Variants in C1QTNF7 observed in about 807,000 individuals in gnomAD.
C1QTNF7 encodes the protein C1q and TNF related 7.
C1QTNF7 carries 15 observed loss-of-function variants against 19.6 expected under a neutral mutation model. The ratio of observed to expected loss-of-function variants is 0.76; its 90% CI spans 0.51 to 1.18. The LOEUF (loss-of-function observed/expected upper bound fraction) is 1.18. C1QTNF7 is among the 50% of genes most tolerant of loss of function. C1QTNF7 has a pLI of 0.00. For missense variants in C1QTNF7, 324 were observed against 359.7 expected (o/e 0.90, Z 0.80); for synonymous variants, 142 against 137.5 (o/e 1.03, Z -0.23).
chr4:15,408,306 T>A (rs1382006020), intron 1 of C1QTNF7, among the ~76,000 whole-genome samples: 1 of 150,586 alleles, frequency 6.6e-6, no homozygotes, highest in African/African-American at 2.4e-5. Context: ...AAAGTTTGTA[T>A]GTATATACAG....
In C1QTNF7 at chr4:15,399,208, A is replaced by C. The variant is rs1033019559; in HGVS notation, c.14-36528A>C. ...TCAGGTGTTTTCTATCTATTGGGAAACTGCCCTTCCCTGGTGCCGACTGCA... is the reference window on the plus strand; with the variant it reads ...TCAGGTGTTTTCTATCTATTGGGAACCTGCCCTTCCCTGGTGCCGACTGCA... On this transcript the variant is annotated intron_variant, in intron 1 of 2. Transcript: ENST00000295297. Among the ~76,000 whole-genome samples, 7 of 152,272 alleles carry C rather than the reference A, an allele frequency of 4.6e-5. No individual in the cohort carries two copies. In the South Asian group the frequency reaches 1.2e-3, roughly 27 times the overall value.
chr4:15,437,512 A>C (rs1029530917), intron 2 of C1QTNF7, among the ~76,000 whole-genome samples: 1 of 152,176 alleles, frequency 6.6e-6, no homozygotes, highest in African/African-American at 2.4e-5. Context: ...TAAACTAGAC[A>C]TTGGTAATTC....
chr4:15,405,954 C>T (rs926724710), intron 1 of C1QTNF7, among the ~76,000 whole-genome samples: 1 of 152,166 alleles, frequency 6.6e-6, no homozygotes, highest in Non-Finnish European at 1.5e-5. Context: ...TTGTCCCCCC[C>T]AGACTCACTG....
chr4:15,371,930 G>A (rs1300083124), intron 1 of C1QTNF7, among the ~76,000 whole-genome samples: 3 of 149,882 alleles, frequency 2.0e-5, no homozygotes, highest in Admixed American at 2.0e-4. Flanking sequence ...GAAAGAGTAG[G>A]AAAGGAAAGG....
At chr4:15,402,217 C>T (rs1329840646) in intron 1 of C1QTNF7, among the ~76,000 whole-genome samples, 1 of 152,192 alleles carries the variant, frequency 6.6e-6, no homozygotes, top group Non-Finnish European at 1.5e-5. Context: ...AGCAGAGCAA[C>T]CTCTACCAAG....
intron 1 of C1QTNF7, among the ~76,000 whole-genome samples, chr4:15,367,599 G>T (rs1193870869): frequency 6.6e-6 from 1 of 152,170 alleles, no homozygotes; most frequent in Non-Finnish European, 1.5e-5. Flanking sequence ...AACCCTGTGG[G>T]AAAGAAAATT....
intron 2 of C1QTNF7, among the ~76,000 whole-genome samples, chr4:15,439,817 T>C (rs553611891): frequency 4.6e-5 from 7 of 152,096 alleles, no homozygotes; most frequent in Non-Finnish European, 8.8e-5. Context: ...TTGAATGATA[T>C]CTTTCGATGG....
At chr4:15,386,869 C>T (rs1026365871) in intron 1 of C1QTNF7, among the ~76,000 whole-genome samples, 25 of 152,058 alleles carry the variant, frequency 1.6e-4, no homozygotes, top group South Asian at 1.2e-3. Context: ...AGGCAGGCCA[C>T]GGAAGGCCTC....
intron 1 of C1QTNF7, among the ~76,000 whole-genome samples, chr4:15,416,737 A>G (rs897861276): frequency 1.3e-5 from 2 of 152,216 alleles, no homozygotes; most frequent in Non-Finnish European, 2.9e-5. Context: ...CAATTTCTGC[A>G]GTTTGTTAGA....
chr4:15,429,568 C>G (rs1712214177), intron 1 of C1QTNF7, among the ~76,000 whole-genome samples: 1 of 152,190 alleles, frequency 6.6e-6, no homozygotes, highest in Non-Finnish European at 1.5e-5. Context: ...TCAGTATCTC[C>G]TTTCCTTTTA....
upstream of C1QTNF7, among the ~76,000 whole-genome samples, chr4:15,423,117 C>G (rs1190637791): frequency 6.6e-6 from 1 of 152,190 alleles, no homozygotes; most frequent in Non-Finnish European, 1.5e-5. Flanking sequence ...AGCAAAGACT[C>G]TTTTGGCCAC....
At chr4:15,367,449 C>A (rs1360713735) in intron 1 of C1QTNF7, among the ~76,000 whole-genome samples, 1 of 152,206 alleles carries the variant, frequency 6.6e-6, no homozygotes, top group African/African-American at 2.4e-5. Context: ...GTACTACCAG[C>A]ACCATTTATT....
At chr4:15,419,435 A>G (rs1046070214) in intron 1 of C1QTNF7, among the ~76,000 whole-genome samples, 2 of 152,208 alleles carry the variant, frequency 1.3e-5, no homozygotes, top group African/African-American at 4.8e-5. Context: ...ATAACAGGGG[A>G]AAAACACTTA....
intron 1 of C1QTNF7, among the ~76,000 whole-genome samples, chr4:15,405,827 C>T (rs1447380878): frequency 6.6e-6 from 1 of 152,182 alleles, no homozygotes; most frequent in Non-Finnish European, 1.5e-5. Flanking sequence ...TGTGTCCAAC[C>T]CCTCTGGCTT....
chr4:15,417,018 C>G (rs572272442), intron 1 of C1QTNF7, among the ~76,000 whole-genome samples: 1 of 152,166 alleles, frequency 6.6e-6, no homozygotes, highest in Non-Finnish European at 1.5e-5. Flanking sequence ...TCCTCCAGAT[C>G]TTTTATGTTA....
chr4:15,398,555 G>A (rs1718873232), intron 1 of C1QTNF7, among the ~76,000 whole-genome samples: 1 of 152,156 alleles, frequency 6.6e-6, no homozygotes, highest in Admixed American at 6.5e-5. Flanking sequence ...TCCTCTGTCT[G>A]AGTAGACAAG....
At position 15,349,950 on chromosome 4, in the gene C1QTNF7, G is replaced by A. The variant is rs77603998; in HGVS notation, c.13+9743G>A. Among the ~76,000 whole-genome samples the A allele has an allele frequency of 4.1e-4, 62 of 151,726 alleles. 1 individual carries two copies. In the East Asian group the frequency reaches 0.012, roughly 29 times the overall value. On this transcript the variant is annotated intron_variant, in intron 1 of 2. Coordinates refer to the C1QTNF7 transcript ENST00000295297. ...TCTGTAACTCTTAGTTAATCAGAAAGCTCACTGAATACTGACAGAATCAAG... is the reference window on the plus strand; with the variant it reads ...TCTGTAACTCTTAGTTAATCAGAAAACTCACTGAATACTGACAGAATCAAG...
chr4:15,349,532 G>C (rs542903136), intron 1 of C1QTNF7, among the ~76,000 whole-genome samples: 2 of 152,238 alleles, frequency 1.3e-5, no homozygotes, highest in East Asian at 3.9e-4. Context: ...CATGACATGA[G>C]GAGGAGGAGG....
At chr4:15,439,985 A>G (rs1000006891) in intron 2 of C1QTNF7, among the ~76,000 whole-genome samples, 1 of 149,510 alleles carries the variant, frequency 6.7e-6, no homozygotes, top group Non-Finnish European at 1.5e-5. Flanking sequence ...TCTTATATAG[A>G]TTTTATATGT....
Sources: gnomAD v4.1 joint callset for allele counts (sites outside exome capture counted in the v4.1 genomes callset) on GRCh38, gnomAD v4.1.1 for gene constraint, MANE v1.5 for transcripts, NCBI Gene and HGNC (gene_info 2026-07-23, HGNC 2026-07-21) for gene names.